CATSPERB: variants seen among roughly 807,000 people sequenced by gnomAD.
CATSPERB encodes catsper channel auxiliary subunit beta.
CATSPERB carries 93 observed loss-of-function variants against 128.3 expected under a neutral mutation model. That is an observed-to-expected ratio of 0.72 (90% CI 0.61 to 0.86). CATSPERB has a LOEUF of 0.86. Among genes scored for constraint, CATSPERB ranks in the 40% least tolerant of loss-of-function variants. The pLI is 0.00. For synonymous variants in CATSPERB, 381 were observed against 448.8 expected, an observed-to-expected ratio of 0.85 and a Z score of 1.91; for missense variants, 1,153 against 1,329.5, an observed-to-expected ratio of 0.87 and a Z score of 2.06.
chr14:91,602,613 T>C (rs1400116523), intron 22 of CATSPERB, among the ~76,000 whole-genome samples: 2 of 152,062 alleles, frequency 1.3e-5, no homozygotes, highest in African/African-American at 4.8e-5. Flanking sequence ...AAACTCAAAG[T>C]GGTTTTGAAT....
In CATSPERB at chr14:91,624,245, G is replaced by A. The variant is rs575460113; in HGVS notation, c.1930+575C>T. 4.6e-5 allele frequency among the ~76,000 whole-genome samples: 7 copies of A among 152,304 alleles called. No homozygotes were observed. In the East Asian group the frequency reaches 1.4e-3, roughly 29 times the overall value. On this transcript the variant is annotated intron_variant, in intron 18 of 26. Coordinates refer to ENST00000256343, the MANE Select transcript of CATSPERB (RefSeq NM_024764.4). ...GCCTGTAATCCTAGCACTTTGAGAC[G>A]CTGAGGTGGGCAGATTGCCTGAGCT... is the stretch of plus-strand genomic sequence containing the variant.
intron 21 of CATSPERB, among the ~76,000 whole-genome samples, chr14:91,609,799 C>A (rs535731275): frequency 6.6e-6 from 1 of 152,236 alleles, no homozygotes; most frequent in South Asian, 2.1e-4. Context: ...AGTGCAGTGG[C>A]ACCATCTCCG....
At chr14:91,718,154 C>T (rs1441203042) in intron 5 of CATSPERB, among the ~76,000 whole-genome samples, 1 of 152,120 alleles carries the variant, frequency 6.6e-6, no homozygotes, top group Non-Finnish European at 1.5e-5. Flanking sequence ...AATAACACTC[C>T]ATCATTATAT....
chr14:91,643,679 A>G (rs1027201710), intron 15 of CATSPERB, among the ~76,000 whole-genome samples: 3 of 57,018 alleles, frequency 5.3e-5, no homozygotes, highest in African/African-American at 2.1e-4. Context: ...AAAAAAATGT[A>G]TATTCTGTTG....
At chr14:91,618,018 A>G (rs1416225064) in intron 19 of CATSPERB, among the ~76,000 whole-genome samples, 1 of 152,238 alleles carries the variant, frequency 6.6e-6, no homozygotes, top group African/African-American at 2.4e-5. Flanking sequence ...TTAAGAAAGT[A>G]GAGGAATAAA....
intron 15 of CATSPERB, chr14:91,646,211 T>G (rs1894602100): frequency 6.3e-6 from 1 of 158,552 alleles, no homozygotes; most frequent in Non-Finnish European, 1.4e-5. Flanking sequence ...GCTGTTCCTA[T>G]TCGGCCATCT....
At chr14:91,606,280 GGGGT>G (rs1376706721) in intron 22 of CATSPERB, among the ~76,000 whole-genome samples, 2 of 152,076 alleles carry the variant, frequency 1.3e-5, no homozygotes, top group Non-Finnish European at 2.9e-5. Flanking sequence ...AAATATTTTT[GGGGT>G]GGGTGCAGTG....
At chr14:91,612,577 C>A (rs1566703557) in intron 20 of CATSPERB, among the ~76,000 whole-genome samples, 1 of 152,066 alleles carries the variant, frequency 6.6e-6, no homozygotes, top group Non-Finnish European at 1.5e-5. Flanking sequence ...GATCTTTGAA[C>A]AATATTAAAC....
intron 14 of CATSPERB, among the ~76,000 whole-genome samples, chr14:91,668,800 C>A (rs957136562): frequency 6.6e-6 from 1 of 152,134 alleles, no homozygotes; most frequent in Admixed American, 6.5e-5. Flanking sequence ...CTGAAGTCAG[C>A]GAGACCACGC....
At chr14:91,599,220 A>C (rs1413617531) in intron 22 of CATSPERB, among the ~76,000 whole-genome samples, 1 of 152,170 alleles carries the variant, frequency 6.6e-6, no homozygotes, top group East Asian at 1.9e-4. Flanking sequence ...GTGGTTACCA[A>C]AATGTGAACC....
chr14:91,589,521 A>G lies in CATSPERB; in HGVS notation c.2956+13T>C. 6.2e-7 allele frequency: 1 copy of G among 1,606,932 alleles called. No homozygotes were observed. The highest frequency in any genetic ancestry group is 8.5e-7 in the Non-Finnish European group (1 of 1,176,646). ...TATCAGATAAAATAATTACAGATGA[A>G]AGCAAACCCTACTCAGTTTCCAGTT... On this transcript the variant is annotated intron_variant, in intron 24 of 26. Transcript: ENST00000256343.
rs556777361 is a variant in CATSPERB, at chr14:91,606,187, C to T, written c.2709+2107G>A. On this transcript the variant is annotated intron_variant, in intron 22 of 26. Coordinates refer to ENST00000256343, the MANE Select transcript of CATSPERB (RefSeq NM_024764.4). ...CAAGACTCCGTCTCAAACAAACAAA[C>T]AAACAAATAAAATGCAGATTTCAGG... 3.3e-5 allele frequency among the ~76,000 whole-genome samples: 5 copies of T among 151,196 alleles called. No homozygotes were observed. The South Asian group carries it at 1.1e-3, about 32-fold the overall frequency.
intron 15 of CATSPERB, among the ~76,000 whole-genome samples, chr14:91,651,750 C>T (rs1375305955): frequency 2.0e-5 from 3 of 152,102 alleles, no homozygotes; most frequent in Non-Finnish European, 2.9e-5. Context: ...GGAGTAGCTG[C>T]AGTTGATTAC....
intron 26 of CATSPERB, among the ~76,000 whole-genome samples, chr14:91,585,467 C>T (rs1357993617): frequency 6.6e-6 from 1 of 152,068 alleles, no homozygotes; most frequent in Non-Finnish European, 1.5e-5. Flanking sequence ...TTTTCCTGTT[C>T]CATATCCATT....
intron 3 of CATSPERB, among the ~76,000 whole-genome samples, chr14:91,724,294 G>T (rs1896083897): frequency 6.6e-6 from 1 of 152,120 alleles, no homozygotes; most frequent in South Asian, 2.1e-4. Context: ...CTGGACCCCA[G>T]CTCTGTAAGT....
chr14:91,600,540 G>C (rs1396580326), intron 22 of CATSPERB, among the ~76,000 whole-genome samples: 1 of 152,180 alleles, frequency 6.6e-6, no homozygotes, highest in African/African-American at 2.4e-5. Context: ...AGAAAAGTAA[G>C]CATTATAGCA....
At chr14:91,689,077 A>G (rs1459299919) in intron 10 of CATSPERB, among the ~76,000 whole-genome samples, 2 of 152,196 alleles carry the variant, frequency 1.3e-5, no homozygotes, top group Admixed American at 6.5e-5. Context: ...CTGCCATGCC[A>G]CCACCTTGGA....
At chr14:91,593,170 G>A (rs1027718318) in intron 22 of CATSPERB, among the ~76,000 whole-genome samples, 14 of 152,228 alleles carry the variant, frequency 9.2e-5, no homozygotes, top group African/African-American at 3.4e-4. Context: ...CTGCAGGGGT[G>A]GGGCCTTTAT....
intron 6 of CATSPERB, among the ~76,000 whole-genome samples, chr14:91,705,121 A>C (rs1391625173): frequency 1.3e-5 from 2 of 152,214 alleles, no homozygotes; most frequent in Non-Finnish European, 2.9e-5. Context: ...AATGGGAATA[A>C]ATCCAGAGTA....
Sources: allele counts gnomAD v4.1 joint callset (sites outside exome capture counted in the v4.1 genomes callset), GRCh38; gene constraint gnomAD v4.1.1; transcripts MANE v1.5; gene names NCBI Gene and HGNC (gene_info 2026-07-23, HGNC 2026-07-21).